Variants in FAM107B observed in about 807,000 individuals in gnomAD.
FAM107B encodes the protein protein FAM107B.
A neutral mutation model predicts 31.5 loss-of-function variants in FAM107B; 21 were observed. The ratio of observed to expected loss-of-function variants is 0.67; its 90% CI spans 0.47 to 0.96. The LOEUF (loss-of-function observed/expected upper bound fraction) is 0.96. FAM107B is among the 40% of genes least tolerant of loss of function. FAM107B has a pLI of 0.00. For synonymous variants in FAM107B, 157 were observed against 141.5 expected (o/e 1.11, Z -0.78); for missense variants, 452 against 377.1 (o/e 1.20, Z -1.64).
intron 2 of FAM107B, among the ~76,000 whole-genome samples, chr10:14,658,450 T>C (rs1186723889): frequency 6.6e-6 from 1 of 152,236 alleles, no homozygotes; most frequent in Non-Finnish European, 1.5e-5. Context: ...TGGATTAGCA[T>C]GGTTTGCTTT....
chr10:14,740,786 C>T (rs778035857), intron 1 of FAM107B, among the ~76,000 whole-genome samples: 15 of 152,144 alleles, frequency 9.9e-5, no homozygotes, highest in Admixed American at 5.2e-4. Flanking sequence ...AAAACAAAGT[C>T]TATTTTTAAA....
At chr10:14,714,412 G>A (rs1022441374) in intron 1 of FAM107B, among the ~76,000 whole-genome samples, 3 of 152,308 alleles carry the variant, frequency 2.0e-5, no homozygotes, top group East Asian at 3.9e-4. Context: ...TCAGGACGCA[G>A]GGATGATGGT....
intron 1 of FAM107B, among the ~76,000 whole-genome samples, chr10:14,757,915 T>C (rs1353513569): frequency 2.0e-5 from 3 of 152,198 alleles, no homozygotes; most frequent in Non-Finnish European, 4.4e-5. Flanking sequence ...GTTTCTGTTT[T>C]TTTCTTGGAG....
chr10:14,732,085 T>C (rs535779132), intron 1 of FAM107B, among the ~76,000 whole-genome samples: 14 of 152,282 alleles, frequency 9.2e-5, no homozygotes, highest in African/African-American at 2.9e-4. Flanking sequence ...TAACAACACC[T>C]TGCACTCTCA....
chr10:14,641,237 G>A (rs758405351), intron 2 of FAM107B, among the ~76,000 whole-genome samples: 9 of 152,152 alleles, frequency 5.9e-5, no homozygotes, highest in Non-Finnish European at 1.0e-4. Flanking sequence ...CAATTTCCAA[G>A]CTATATATTA....
intron 2 of FAM107B, among the ~76,000 whole-genome samples, chr10:14,632,946 C>T (rs1853405640): frequency 6.6e-6 from 1 of 152,120 alleles, no homozygotes; most frequent in Non-Finnish European, 1.5e-5. Context: ...CACCTGTAAT[C>T]CCAGCACTTT....
Position 14,520,073 on chromosome 10 carries a change from G to C in FAM107B, c.*1117C>G, listed in dbSNP as rs979380419. The C allele has an allele frequency of 3.9e-5, 6 of 152,632 alleles. No homozygotes were observed. Among genetic ancestry groups the C allele is most frequent in the African/African-American group, 9.7e-5 (4 of 41,444 alleles). 9.5% of individuals were successfully genotyped at this position (152,632 alleles called of 1,614,324 possible). On this transcript the variant is annotated 3_prime_UTR_variant, in exon 5 of 5. Transcript: ENST00000181796. ...TATCAACAGCATCATCACTCAGACA[G>C]TGGTGAAAGTCTTTCTTCACAAGGA...
chr10:14,667,319 C>T (rs1043222923), intron 2 of FAM107B, among the ~76,000 whole-genome samples: 1 of 152,168 alleles, frequency 6.6e-6, no homozygotes, highest in African/African-American at 2.4e-5. Flanking sequence ...AATAATGATA[C>T]TTCTTAGTTT....
intron 2 of FAM107B, chr10:14,548,461 C>T: frequency 1.0e-6 from 1 of 985,768 alleles, no homozygotes; most frequent in East Asian, 1.1e-4. Flanking sequence ...TAGCTGGAAG[C>T]GCAGGGCTCC....
Position 14,548,405 on chromosome 10 carries a change from G to A in FAM107B, c.470-17890C>T, listed in dbSNP as rs948764175. On this transcript the variant is annotated intron_variant, in intron 2 of 4. Coordinates refer to ENST00000181796, the MANE Select transcript of FAM107B (RefSeq NM_031453.4). ...GAGGTACTTGTGCCCTTGTACACAG[G>A]TCTGTGAGGGTGCGTGGGGCGTAGG... 7 of 985,222 alleles carry A rather than the reference G, an allele frequency of 7.1e-6. No individual in the cohort carries two copies. The African/African-American group carries it at 1.2e-4, about 17-fold the overall frequency. The allele number at this position is 985,222 out of a possible 1,614,324, so 61.0% of individuals were successfully genotyped here.
intron 2 of FAM107B, among the ~76,000 whole-genome samples, chr10:14,592,693 A>G (rs1046819859): frequency 2.6e-5 from 4 of 152,196 alleles, no homozygotes; most frequent in African/African-American, 4.8e-5. Context: ...TTGCAAGATA[A>G]TATCTCCTCT....
intron 2 of FAM107B, among the ~76,000 whole-genome samples, chr10:14,626,503 T>A (rs887718600): frequency 9.5e-6 from 1 of 104,848 alleles, no homozygotes; most frequent in African/African-American, 3.2e-5. Context: ...GCGGATCTTT[T>A]TTTTCTTTTT....
intron 1 of FAM107B, among the ~76,000 whole-genome samples, chr10:14,718,394 G>GA (rs370072045): frequency 1.4e-5 from 2 of 146,346 alleles, no homozygotes; most frequent in African/African-American, 5.1e-5. Flanking sequence ...GGAAAGAAAG[G>GA]AAAGGAAGAA....
At chr10:14,559,807 G>A (rs928427424) in intron 2 of FAM107B, among the ~76,000 whole-genome samples, 1 of 150,342 alleles carries the variant, frequency 6.7e-6, no homozygotes, top group East Asian at 2.0e-4. Flanking sequence ...CTGACCTCGT[G>A]ATCCGCCCGT....
chr10:14,543,957 C>A (rs897464533), intron 2 of FAM107B, among the ~76,000 whole-genome samples: 2 of 152,152 alleles, frequency 1.3e-5, no homozygotes, highest in Non-Finnish European at 2.9e-5. Flanking sequence ...CGCCTCCATT[C>A]ACTCACCCCT....
intron 2 of FAM107B, among the ~76,000 whole-genome samples, chr10:14,660,273 C>T (rs1421930326): frequency 1.3e-5 from 2 of 152,052 alleles, no homozygotes; most frequent in African/African-American, 4.8e-5. Flanking sequence ...CTTGTTTCAG[C>T]ATTCAAAAAA....
chr10:14,739,523 T>C (rs1474288936), intron 1 of FAM107B, among the ~76,000 whole-genome samples: 1 of 152,158 alleles, frequency 6.6e-6, no homozygotes, highest in African/African-American at 2.4e-5. Flanking sequence ...TCTCCATCCA[T>C]GGGATTTGGG....
At chr10:14,598,503 C>G (rs1045745909) in intron 2 of FAM107B, among the ~76,000 whole-genome samples, 4 of 152,158 alleles carry the variant, frequency 2.6e-5, no homozygotes, top group Non-Finnish European at 5.9e-5. Context: ...AGTAGCTAAA[C>G]TCATAGACTT....
chr10:14,646,143 C>T, intron 2 of FAM107B, among the ~76,000 whole-genome samples: 1 of 152,200 alleles, frequency 6.6e-6, no homozygotes, highest in Admixed American at 6.5e-5. Flanking sequence ...TCTTGCTTGA[C>T]AGTCATTAGT....
Sources: allele counts gnomAD v4.1 joint callset (sites outside exome capture counted in the v4.1 genomes callset), GRCh38; gene constraint gnomAD v4.1.1; transcripts MANE v1.5; gene names NCBI Gene and HGNC (gene_info 2026-07-23, HGNC 2026-07-21).